The following POMK variants were observed in gnomAD, a reference collection of about 807,000 sequenced individuals.
POMK encodes protein O-mannose kinase, also known as Sugen kinase 196.
In POMK, 19 loss-of-function variants were observed where a neutral mutation model predicts 23.0. The observed-to-expected ratio is 0.83, with a 90% confidence interval of 0.58 to 1.21. POMK has a LOEUF of 1.21. Ranked by LOEUF, POMK falls within the 50% of genes most tolerant of loss-of-function variation. POMK has a pLI of 0.00. For synonymous variants in POMK, 173 were observed against 171.6 expected (o/e 1.01, Z -0.06); for missense variants, 410 against 431.3 (o/e 0.95, Z 0.44).
intron 4 of POMK, among the ~76,000 whole-genome samples, chr8:43,116,464 T>C (rs1811801064): frequency 6.6e-6 from 1 of 152,108 alleles, no homozygotes; most frequent in Non-Finnish European, 1.5e-5. Flanking sequence ...AGTTGAGATC[T>C]TGTTATGTTG....
intron 2 of POMK, among the ~76,000 whole-genome samples, chr8:43,101,706 A>G (rs193194068): frequency 6.6e-6 from 1 of 152,200 alleles, no homozygotes; most frequent in East Asian, 1.9e-4. Flanking sequence ...CCAGGAAAGC[A>G]TGGGATGTTT....
chr8:43,112,992 G>A (rs1020798616), intron 4 of POMK, among the ~76,000 whole-genome samples: 3 of 152,212 alleles, frequency 2.0e-5, no homozygotes, highest in African/African-American at 7.2e-5. Flanking sequence ...AGGCTAGGAA[G>A]AAACTGCATC....
At chr8:43,107,706 A>G (rs1811572145) in intron 4 of POMK, among the ~76,000 whole-genome samples, 1 of 147,088 alleles carries the variant, frequency 6.8e-6, no homozygotes, top group East Asian at 2.0e-4. Context: ...GTAGAGATGG[A>G]GTCTTGCTCC....
At chr8:43,105,490 A>G (rs1811527355) in intron 4 of POMK, among the ~76,000 whole-genome samples, 1 of 152,176 alleles carries the variant, frequency 6.6e-6, no homozygotes, top group Non-Finnish European at 1.5e-5. Context: ...AGTTCCTTTC[A>G]TGTTGCCATA....
intron 2 of POMK, among the ~76,000 whole-genome samples, chr8:43,102,018 C>T (rs1022773747): frequency 6.6e-6 from 1 of 152,166 alleles, no homozygotes; most frequent in Non-Finnish European, 1.5e-5. Context: ...GTGTGAAGGT[C>T]ACCTCCTTAG....
chr8:43,122,379 T>C lies in POMK; in HGVS notation c.555T>C (p.Tyr185=), dbSNP rs150163643. 6 of 1,614,232 alleles carry C rather than the reference T, an allele frequency of 3.7e-6. No homozygotes were observed. Among genetic ancestry groups the C allele is most frequent in the Non-Finnish European group, 5.1e-6 (6 of 1,180,042 alleles). The part of the protein sequence containing the change: ...WQHRLELAMD[Y]VSIINYLHHS... ...ACAGGCTGGAGCTGGCCATGGACTA[T>C]GTCAGCATCATTAATTACCTGCACC... The change falls in exon 5 of 5, where the codon TAT becomes TAC. Residue 185 remains tyrosine, a synonymous_variant. Coordinates refer to ENST00000331373, the MANE Select transcript of POMK (RefSeq NM_032237.5).
chr8:43,113,239 C>A (rs1050957155), intron 4 of POMK, among the ~76,000 whole-genome samples: 20 of 152,232 alleles, frequency 1.3e-4, no homozygotes, highest in Non-Finnish European at 1.8e-4. Context: ...CCATCACTTT[C>A]AGGTACACCA....
At position 43,103,568 on chromosome 8, in the gene POMK, A is replaced by G. The variant is rs143957574; in HGVS notation, c.20A>G (p.Asn7Ser). Residue 7 changes from asparagine (N) to serine (S), a missense_variant, in exon 4 of 5, where the codon AAC (asparagine) becomes AGC (serine). Coordinates refer to ENST00000331373, the MANE Select transcript of POMK (RefSeq NM_032237.5). MEKQPQ[N>S]SRRGLAPREV... ...GTCAACATGGAAAAGCAGCCCCAGA[A>G]CAGCAGGAGAGGCCTCGCCCCCCGA... 1.5e-4 allele frequency: 247 copies of G among 1,612,976 alleles called. 1 individual carries two copies. In the African/African-American group the frequency reaches 2.6e-3, roughly 17 times the overall value.
intron 4 of POMK, 62 bp from the exon 5 acceptor site, chr8:43,122,045 G>T: frequency 6.7e-7 from 1 of 1,501,374 alleles, no homozygotes; most frequent in Non-Finnish European, 9.1e-7. Context: ...GATATTTGTT[G>T]TTCTTTGGTC....
intron 4 of POMK, among the ~76,000 whole-genome samples, chr8:43,115,536 T>C (rs1415234922): frequency 2.0e-5 from 3 of 152,182 alleles, no homozygotes; most frequent in African/African-American, 7.2e-5. Flanking sequence ...TTACATTGTT[T>C]CTACTTTTGG....
chr8:43,118,496 A>G (rs1811847449), intron 4 of POMK, among the ~76,000 whole-genome samples: 1 of 152,220 alleles, frequency 6.6e-6, no homozygotes, highest in Admixed American at 6.5e-5. Context: ...AGTTTTTACC[A>G]AGAAAAGTGT....
chr8:43,095,123 G>A (rs59177170), intron 1 of POMK, among the ~76,000 whole-genome samples: 7,222 of 152,252 alleles, frequency 0.047, 343 homozygotes, highest in African/African-American at 0.12. Context: ...GACCACGCTG[G>A]GTTTGATTTA....
chr8:43,116,305 C>G (rs1022782183), intron 4 of POMK, among the ~76,000 whole-genome samples: 3 of 152,230 alleles, frequency 2.0e-5, no homozygotes, highest in Non-Finnish European at 4.4e-5. Flanking sequence ...CAGAGTCTCT[C>G]TCTTTTGCCC....
At chr8:43,106,041 C>T (rs781528223) in intron 4 of POMK, among the ~76,000 whole-genome samples, 11 of 152,130 alleles carry the variant, frequency 7.2e-5, no homozygotes, top group Non-Finnish European at 1.6e-4. Flanking sequence ...TATGTTAGTT[C>T]TGTTTGTAAT....
intron 4 of POMK, among the ~76,000 whole-genome samples, chr8:43,105,830 A>AT (rs1232284257): frequency 6.6e-6 from 1 of 151,978 alleles, no homozygotes; most frequent in Non-Finnish European, 1.5e-5. Context: ...TGCCCGGCTA[A>AT]TTTTATATTT....
Position 43,122,931 on chromosome 8 carries a change from A to T in POMK, c.*54A>T. On this transcript the variant is annotated 3_prime_UTR_variant, in exon 5 of 5. Transcript: ENST00000331373. ...TGAAGGGCTGAATGGAAGTTACAGCATTCTACTCTGATGGTGGAGTTTTTT... is the reference window on the plus strand; with the variant it reads ...TGAAGGGCTGAATGGAAGTTACAGCTTTCTACTCTGATGGTGGAGTTTTTT... 2 of 1,467,058 alleles carry T rather than the reference A, an allele frequency of 1.4e-6. No homozygotes were observed. The highest frequency in any genetic ancestry group is 1.8e-6 in the Non-Finnish European group (2 of 1,091,100). 90.9% of individuals were successfully genotyped at this position (1,467,058 alleles called of 1,614,324 possible). A position where few individuals can be genotyped will look rare whatever the true frequency, so the allele number is the denominator to read the frequency against.
intron 4 of POMK, among the ~76,000 whole-genome samples, chr8:43,116,129 T>C (rs560778025): frequency 6.6e-6 from 1 of 152,394 alleles, no homozygotes; most frequent in East Asian, 1.9e-4. Context: ...TTTATACATT[T>C]CCTATTTACT....
intron 2 of POMK, among the ~76,000 whole-genome samples, chr8:43,100,078 TC>T (rs923802696): frequency 2.6e-5 from 4 of 152,150 alleles, no homozygotes; most frequent in African/African-American, 9.7e-5. Flanking sequence ...CAGGAGTCCT[TC>T]GGGGCCTCTC....
chr8:43,121,155 G>A (rs192940680), intron 4 of POMK, among the ~76,000 whole-genome samples: 252 of 152,246 alleles, frequency 1.7e-3, no homozygotes, highest in Admixed American at 3.9e-3. Context: ...AGAGTCTCTT[G>A]ATAAATAATG....
Sources: gnomAD v4.1 joint callset for allele counts (sites outside exome capture counted in the v4.1 genomes callset) on GRCh38, gnomAD v4.1.1 for gene constraint, MANE v1.5 for transcripts, NCBI Gene and HGNC (gene_info 2026-07-23, HGNC 2026-07-21) for gene names.